STXBP5L: variants seen among roughly 807,000 people sequenced by gnomAD.
STXBP5L encodes the protein syntaxin binding protein 5L.
A neutral mutation model predicts 144.5 loss-of-function variants in STXBP5L; 65 were observed. The observed-to-expected ratio is 0.45, with a 90% CI of 0.37 to 0.55. STXBP5L has a LOEUF of 0.55. STXBP5L is among the 20% of genes least tolerant of loss of function. The pLI is 0.00. For synonymous variants in STXBP5L, 505 were observed against 469.6 expected, an observed-to-expected ratio of 1.08 and a Z score of -0.97; for missense variants, 1,298 against 1,405.5, an observed-to-expected ratio of 0.92 and a Z score of 1.22.
intron 3 of STXBP5L, among the ~76,000 whole-genome samples, chr3:120,996,333 T>A (rs74768195): frequency 0.12 from 18,203 of 151,898 alleles, 1,149 homozygotes; most frequent in Non-Finnish European, 0.14. Flanking sequence ...ATTTTTAATT[T>A]AAAAATTTAA....
intron 9 of STXBP5L, among the ~76,000 whole-genome samples, chr3:121,191,059 G>A: frequency 6.6e-6 from 1 of 151,906 alleles, no homozygotes; most frequent in East Asian, 1.9e-4. Context: ...TCCCAGACTG[G>A]GTGGCCAGGC....
At chr3:121,066,680 C>A (rs544194230) in intron 5 of STXBP5L, among the ~76,000 whole-genome samples, 294 of 152,040 alleles carry the variant, frequency 1.9e-3, no homozygotes, top group Middle Eastern at 3.4e-3. Context: ...TGTAAGTTTC[C>A]ATTCTTTTGA....
intron 3 of STXBP5L, among the ~76,000 whole-genome samples, chr3:121,012,914 A>C (rs1944886516): frequency 6.6e-6 from 1 of 151,922 alleles, no homozygotes; most frequent in Non-Finnish European, 1.5e-5. Flanking sequence ...CTCAGTGTTT[A>C]GTTCCTACTT....
chr3:121,271,733 A>G (rs1577343631), intron 18 of STXBP5L, among the ~76,000 whole-genome samples: 2 of 152,354 alleles, frequency 1.3e-5, no homozygotes, highest in East Asian at 3.9e-4. Flanking sequence ...CTTTTACTGC[A>G]TCAATTAAAA....
In STXBP5L at chr3:120,980,080, GA is replaced by G. The variant is rs1421991404; in HGVS notation, c.287+25050del. 2.0e-5 allele frequency among the ~76,000 whole-genome samples: 3 copies of G among 151,962 alleles called. 1 individual carries two copies. The South Asian group carries it at 6.2e-4, about 32-fold the overall frequency. On this transcript the variant is annotated intron_variant, in intron 3 of 26. Transcript: ENST00000471454. ...TCCAGTTTTAATTCCACTGTAGTCT[GA>G]AAAAAATACTTGATTTCAATTTAAA...
intron 18 of STXBP5L, among the ~76,000 whole-genome samples, chr3:121,274,695 A>G (rs1290994293): frequency 1.3e-5 from 2 of 152,188 alleles, no homozygotes; most frequent in Non-Finnish European, 2.9e-5. Flanking sequence ...TTTATTTGGC[A>G]TTGACACCAA....
intron 7 of STXBP5L, among the ~76,000 whole-genome samples, chr3:121,125,194 C>A (rs987770144): frequency 6.6e-6 from 1 of 151,996 alleles, no homozygotes; most frequent in Non-Finnish European, 1.5e-5. Flanking sequence ...TATGGTTGGG[C>A]GCAGTGGCTC....
At chr3:120,940,163 A>G (rs1004339087) in intron 2 of STXBP5L, among the ~76,000 whole-genome samples, 4 of 152,118 alleles carry the variant, frequency 2.6e-5, no homozygotes, top group African/African-American at 7.2e-5. Flanking sequence ...TGATAGCTAT[A>G]TAGACACATA....
At chr3:121,304,083 A>C (rs920533026) in intron 19 of STXBP5L, among the ~76,000 whole-genome samples, 1 of 152,116 alleles carries the variant, frequency 6.6e-6, no homozygotes, top group Non-Finnish European at 1.5e-5. Context: ...TGAAAACACT[A>C]TCCCCAAAAA....
chr3:121,413,067 T>A (rs112909917), intron 23 of STXBP5L, 91 bp from the exon 24 acceptor site: 2 of 1,047,198 alleles, frequency 1.9e-6, no homozygotes, highest in African/African-American at 1.7e-5. Flanking sequence ...GAAACAACCA[T>A]AAAATAATAG....
intron 9 of STXBP5L, among the ~76,000 whole-genome samples, chr3:121,165,587 T>C (rs1235814955): frequency 6.6e-6 from 1 of 152,082 alleles, no homozygotes; most frequent in Middle Eastern, 3.2e-3. Context: ...AACACGACCA[T>C]GAAATGTTAG....
chr3:121,214,156 G>A lies in STXBP5L; in HGVS notation c.956+8155G>A, dbSNP rs190873733. 4.7e-4 allele frequency among the ~76,000 whole-genome samples: 71 copies of A among 152,058 alleles called. No individual in the cohort carries two copies. The East Asian group carries it at 5.8e-3, about 12-fold the overall frequency. ...ATTTTGTTAATCTTTTCAAAAACCC[G>A]CACCTGGATTCATTGATTTTTTTTG... is the stretch of plus-strand genomic sequence containing the variant. On this transcript the variant is annotated intron_variant, in intron 10 of 26. Transcript: ENST00000471454.
intron 3 of STXBP5L, among the ~76,000 whole-genome samples, chr3:120,971,863 C>T (rs1480433187): frequency 6.6e-6 from 1 of 151,632 alleles, no homozygotes; most frequent in African/African-American, 2.4e-5. Flanking sequence ...TCCATGCGCA[C>T]ACATGCATGC....
intron 26 of STXBP5L, 109 bp from the exon 27 acceptor site, chr3:121,418,947 T>TGAAAC: frequency 8.7e-7 from 1 of 1,149,540 alleles, no homozygotes; most frequent in Non-Finnish European, 1.2e-6. Flanking sequence ...CCACTCAGTT[T>TGAAAC]GATTATAAGT....
rs139575546 is a variant in STXBP5L, at chr3:120,993,673, T to C, written c.287+38636T>C. Among the ~76,000 whole-genome samples, 242 of 152,248 alleles carry C rather than the reference T, an allele frequency of 1.6e-3. 1 individual carries two copies. Among genetic ancestry groups the C allele is most frequent in the African/African-American group, 5.3e-3 (220 of 41,564 alleles). On this transcript the variant is annotated intron_variant, in intron 3 of 26. Coordinates refer to ENST00000471454, the MANE Select transcript of STXBP5L (RefSeq NM_001308330.2). Reference sequence around the variant, plus strand: ...CCATTGGTCTACATGTCTGTTTTTATATCCATATCATGCTGTTTTGTCTAT... The same window carrying C: ...CCATTGGTCTACATGTCTGTTTTTACATCCATATCATGCTGTTTTGTCTAT...
chr3:121,038,725 TTC>T (rs1454051842), intron 3 of STXBP5L, among the ~76,000 whole-genome samples: 1 of 151,916 alleles, frequency 6.6e-6, no homozygotes, highest in Non-Finnish European at 1.5e-5. Context: ...ATTCATCTGT[TTC>T]TCTTTGTGGT....
chr3:120,935,298 T>C (rs9842745), intron 2 of STXBP5L, among the ~76,000 whole-genome samples: 15,096 of 151,896 alleles, frequency 0.099, 1,187 homozygotes, highest in Admixed American at 0.2. Flanking sequence ...TCCAGTTTTT[T>C]CCTCCTGTCC....
At chr3:121,312,363 AGCT>A (rs2043562185) in intron 19 of STXBP5L, among the ~76,000 whole-genome samples, 1 of 106,716 alleles carries the variant, frequency 9.4e-6, no homozygotes, top group African/African-American at 3.8e-5. Context: ...TAAACTAAAG[AGCT>A]TCTTTTTTTT....
At chr3:120,978,817 C>G (rs181997446) in intron 3 of STXBP5L, among the ~76,000 whole-genome samples, 21 of 152,174 alleles carry the variant, frequency 1.4e-4, no homozygotes, top group African/African-American at 2.4e-4. Flanking sequence ...CACTCCAGAC[C>G]CTGTTTGCCT....
Sources: gnomAD v4.1 joint callset for allele counts (sites outside exome capture counted in the v4.1 genomes callset) on GRCh38, gnomAD v4.1.1 for gene constraint, MANE v1.5 for transcripts, NCBI Gene and HGNC (gene_info 2026-07-23, HGNC 2026-07-21) for gene names.